The following RBFOX1 variants were observed in gnomAD, a reference collection of about 807,000 sequenced individuals.
RBFOX1 encodes the protein RNA binding fox-1 homolog 1, also known as RNA binding protein fox-1 homolog 1.
RBFOX1 carries 8 observed loss-of-function variants against 57.7 expected under a neutral mutation model. The ratio of observed to expected loss-of-function variants is 0.14; its 90% CI spans 0.08 to 0.25. The LOEUF is 0.25. RBFOX1 is among the 10% of genes least tolerant of loss of function. RBFOX1 has a pLI of 1.00. For missense variants in RBFOX1, 611 were observed against 548.5 expected (o/e 1.11, Z -1.14); for synonymous variants, 326 against 222.4 (o/e 1.47, Z -4.15).
At chr16:5,883,320 C>A (rs761452205) in intron 4 of RBFOX1, among the ~76,000 whole-genome samples, 6 of 152,100 alleles carry the variant, frequency 3.9e-5, no homozygotes, top group Non-Finnish European at 8.8e-5. Flanking sequence ...ATCTCTCTTA[C>A]CCCGAAAGAG....
chr16:5,966,030 G>T (rs562317490), intron 4 of RBFOX1, among the ~76,000 whole-genome samples: 1 of 152,036 alleles, frequency 6.6e-6, no homozygotes, highest in Non-Finnish European at 1.5e-5. Context: ...CATGCAGCAG[G>T]TTTTCCTTAT....
At chr16:5,415,997 T>G (rs568726312) in intron 1 of RBFOX1, among the ~76,000 whole-genome samples, 11 of 152,162 alleles carry the variant, frequency 7.2e-5, no homozygotes, top group Non-Finnish European at 1.3e-4. Flanking sequence ...GCAGTGATAG[T>G]GTTACATAGG....
intron 4 of RBFOX1, among the ~76,000 whole-genome samples, chr16:7,127,567 G>C (rs1392552332): frequency 1.3e-5 from 2 of 152,192 alleles, no homozygotes; most frequent in South Asian, 2.1e-4. Flanking sequence ...GCGTGCATGT[G>C]TGTGGGGAAT....
In RBFOX1 at chr16:7,117,737, A is replaced by T. The variant is rs1183696651; in HGVS notation, c.27+65639A>T. Among the ~76,000 whole-genome samples the T allele has an allele frequency of 3.9e-5, 6 of 152,220 alleles. No homozygotes were observed. In the East Asian group the frequency reaches 9.6e-4, roughly 24 times the overall value. ...TGTATCAGAAATTTGAGCATGGCTTAGCTGGGTTCTCTGCTTAAAATCTAA... is the reference window on the plus strand; with the variant it reads ...TGTATCAGAAATTTGAGCATGGCTTTGCTGGGTTCTCTGCTTAAAATCTAA... On this transcript the variant is annotated intron_variant, in intron 4 of 15. Coordinates refer to ENST00000550418, the MANE Select transcript of RBFOX1 (RefSeq NM_018723.4).
At chr16:5,955,870 A>C (rs1432017511) in intron 4 of RBFOX1, among the ~76,000 whole-genome samples, 1 of 152,262 alleles carries the variant, frequency 6.6e-6, no homozygotes, top group African/African-American at 2.4e-5. Flanking sequence ...AGGTTGATTC[A>C]GGAAGATAAC....
intron 2 of RBFOX1, among the ~76,000 whole-genome samples, chr16:6,639,661 C>G (rs8057039): frequency 0.98 from 149,505 of 152,246 alleles, 73,467 homozygotes; most frequent in East Asian, 1. Flanking sequence ...CGGATCACGA[C>G]GTCAGGAGAT....
intron 1 of RBFOX1, among the ~76,000 whole-genome samples, chr16:5,321,632 T>G (rs1207980174): frequency 6.6e-6 from 1 of 152,130 alleles, no homozygotes; most frequent in East Asian, 1.9e-4. Context: ...ATCACATTTT[T>G]AAAGCCACTA....
At chr16:6,664,945 G>A (rs143482441) in intron 3 of RBFOX1, among the ~76,000 whole-genome samples, 162 of 152,262 alleles carry the variant, frequency 1.1e-3, no homozygotes, top group African/African-American at 3.4e-3. Flanking sequence ...GACAGACATC[G>A]TTTGTAAATC....
chr16:5,977,193 G>A (rs923387224), intron 4 of RBFOX1, among the ~76,000 whole-genome samples: 2 of 152,184 alleles, frequency 1.3e-5, no homozygotes, highest in Admixed American at 1.3e-4. Flanking sequence ...AACTGAGGTT[G>A]CTGCTCCTTC....
At chr16:6,132,703 C>A (rs370982777) in intron 1 of RBFOX1, among the ~76,000 whole-genome samples, 1 of 152,004 alleles carries the variant, frequency 6.6e-6, no homozygotes, top group Non-Finnish European at 1.5e-5. Context: ...AAAGTGAGAT[C>A]TCTTTCTTCA....
chr16:6,574,216 T>A (rs2097388977), intron 2 of RBFOX1, among the ~76,000 whole-genome samples: 1 of 152,022 alleles, frequency 6.6e-6, no homozygotes, highest in South Asian at 2.1e-4. Context: ...TCAGTTTTCT[T>A]ATCTGTAAAG....
intron 2 of RBFOX1, among the ~76,000 whole-genome samples, chr16:6,541,914 C>T (rs1025573277): frequency 6.6e-6 from 1 of 151,938 alleles, no homozygotes; most frequent in Admixed American, 6.6e-5. Flanking sequence ...GTAGTGTTCA[C>T]TGCTTTAGTG....
At chr16:6,448,455 C>T (rs2094531618) in intron 2 of RBFOX1, among the ~76,000 whole-genome samples, 1 of 152,234 alleles carries the variant, frequency 6.6e-6, no homozygotes, top group Middle Eastern at 3.4e-3. Flanking sequence ...CTGCGCCCAA[C>T]CAGGCATTTT....
At chr16:6,246,652 G>A (rs2152935965) in intron 1 of RBFOX1, among the ~76,000 whole-genome samples, 1 of 152,330 alleles carries the variant, frequency 6.6e-6, no homozygotes, top group African/African-American at 2.4e-5. Context: ...GATGCAAAAT[G>A]TTAGATGTCA....
Position 6,841,710 on chromosome 16 carries a change from A to G in RBFOX1, c.-16+187060A>G, listed in dbSNP as rs548913056. 3.0e-4 allele frequency among the ~76,000 whole-genome samples: 45 copies of G among 152,254 alleles called. 1 individual carries two copies. The South Asian group carries it at 6.6e-3, about 22-fold the overall frequency. On this transcript the variant is annotated intron_variant, in intron 3 of 15. Coordinates refer to ENST00000550418, the MANE Select transcript of RBFOX1 (RefSeq NM_018723.4). ...AATGATGGAGGCATTGTCAGGGCACATGAACCCTCTAAGAAGTGGATGTGG... is the reference window on the plus strand; with the variant it reads ...AATGATGGAGGCATTGTCAGGGCACGTGAACCCTCTAAGAAGTGGATGTGG...
chr16:6,590,131 C>T (rs1017511706), intron 2 of RBFOX1, among the ~76,000 whole-genome samples: 16 of 152,214 alleles, frequency 1.1e-4, no homozygotes, highest in Non-Finnish European at 1.8e-4. Context: ...ATTTTTTCAG[C>T]GTTAAATACT....
intron 2 of RBFOX1, among the ~76,000 whole-genome samples, chr16:6,425,391 C>T (rs917619243): frequency 6.6e-6 from 1 of 152,060 alleles, no homozygotes; most frequent in African/African-American, 2.4e-5. Flanking sequence ...CTGAATATTC[C>T]AATTATATTA....
intron 2 of RBFOX1, among the ~76,000 whole-genome samples, chr16:6,554,504 G>A (rs979452207): frequency 2.6e-5 from 4 of 152,086 alleles, no homozygotes; most frequent in African/African-American, 7.2e-5. Flanking sequence ...CTACTGAATC[G>A]TGTACCCTGA....
intron 4 of RBFOX1, among the ~76,000 whole-genome samples, chr16:7,274,507 G>A (rs1448800602): frequency 5.9e-5 from 9 of 152,058 alleles, no homozygotes. Flanking sequence ...TATGTTGAAT[G>A]CCTGAGAGTT....
Sources: gnomAD v4.1 joint callset for allele counts (sites outside exome capture counted in the v4.1 genomes callset) on GRCh38, gnomAD v4.1.1 for gene constraint, MANE v1.5 for transcripts, NCBI Gene and HGNC (gene_info 2026-07-23, HGNC 2026-07-21) for gene names.